EFCAB6: variants seen among roughly 807,000 people sequenced by gnomAD.
The protein encoded by EFCAB6 is EF-hand calcium binding domain 6, also known as EF-hand calcium-binding domain-containing protein 6.
In EFCAB6, 156 loss-of-function variants were observed where a neutral mutation model predicts 169.8. That is an observed-to-expected ratio of 0.92 (90% CI 0.81 to 1.05). The LOEUF (loss-of-function observed/expected upper bound fraction) is 1.05. EFCAB6 is among the 50% of genes least tolerant of loss of function. The probability of loss-of-function intolerance (pLI) is 0.00; values close to 1 mark genes in which losing one functional copy is unlikely to be tolerated. For missense variants in EFCAB6, 1,800 were observed against 1,829.1 expected, an observed-to-expected ratio of 0.98 and a Z score of 0.29; for synonymous variants, 698 against 676.4, an observed-to-expected ratio of 1.03 and a Z score of -0.50.
At chr22:43,615,980 C>T in intron 20 of EFCAB6, 58 bp from the exon 21 acceptor site, 2 of 1,423,688 alleles carry the variant, frequency 1.4e-6, no homozygotes, top group Non-Finnish European at 1.9e-6. Context: ...TCATTAATCT[C>T]CCAAGGGGTT....
intron 17 of EFCAB6, among the ~76,000 whole-genome samples, chr22:43,666,709 T>TTG: frequency 2.7e-5 from 4 of 148,250 alleles, no homozygotes; most frequent in African/African-American, 7.4e-5. Flanking sequence ...TTTTTTTTTT[T>TTG]TTTTTTCATT....
rs762310873 is a variant in EFCAB6 at position 43,600,266 on chromosome 22, T to TAAAAA, written c.2682-4_2682-3insTTTTT. The TAAAAA allele has an allele frequency of 1.5e-5, 24 of 1,612,848 alleles. 1 individual carries two copies. The South Asian group carries it at 1.9e-4, about 13-fold the overall frequency. ...GCCCTTTTCCCTCGGTGTCGTATCT[T>TAAAAA]AAAACAAAAACAAAAACAGAAAGCA... On this transcript the variant is annotated splice_region_variant and splice_polypyrimidine_tract_variant and intron_variant, in intron 22 of 31. Transcript: ENST00000262726.
At chr22:43,631,997 T>G in intron 19 of EFCAB6, 108 bp downstream of exon 19, 1 of 1,471,796 alleles carries the variant, frequency 6.8e-7, no homozygotes, top group Non-Finnish European at 9.1e-7. Context: ...TCTGTGTCCC[T>G]TGGGCTGACT....
intron 6 of EFCAB6, among the ~76,000 whole-genome samples, chr22:43,748,243 G>A (rs753712866): frequency 2.6e-5 from 4 of 152,164 alleles, no homozygotes; most frequent in Admixed American, 6.5e-5. Flanking sequence ...GAAACCTTCA[G>A]TCATCCTCCT....
intron 24 of EFCAB6, among the ~76,000 whole-genome samples, chr22:43,587,948 G>A (rs1293211728): frequency 1.3e-5 from 2 of 152,118 alleles, no homozygotes; most frequent in Non-Finnish European, 2.9e-5. Context: ...ATACATAGTT[G>A]AATTAGAATT....
At chr22:43,663,769 C>G (rs1023147536) in intron 17 of EFCAB6, among the ~76,000 whole-genome samples, 11 of 152,306 alleles carry the variant, frequency 7.2e-5, no homozygotes, top group African/African-American at 2.6e-4. Context: ...AAAAGAGATC[C>G]CAGAGAGCTC....
chr22:43,793,241 G>A (rs1422635807), intron 2 of EFCAB6, among the ~76,000 whole-genome samples: 1 of 152,198 alleles, frequency 6.6e-6, no homozygotes, highest in Non-Finnish European at 1.5e-5. Flanking sequence ...GTACACTGCA[G>A]GGAGTACTCT....
intron 6 of EFCAB6, among the ~76,000 whole-genome samples, chr22:43,742,553 G>A (rs547048811): frequency 1.3e-5 from 2 of 152,332 alleles, no homozygotes; most frequent in East Asian, 3.9e-4. Context: ...CAAAGCAACA[G>A]CTAACTATGC....
chr22:43,613,480 G>A (rs1026095308), intron 21 of EFCAB6, among the ~76,000 whole-genome samples: 3 of 152,078 alleles, frequency 2.0e-5, no homozygotes, highest in African/African-American at 4.8e-5. Flanking sequence ...TGGAGCTGGA[G>A]GCTAACATCC....
intron 10 of EFCAB6, among the ~76,000 whole-genome samples, chr22:43,698,207 C>T (rs543511945): frequency 2.6e-5 from 4 of 152,244 alleles, no homozygotes; most frequent in East Asian, 3.9e-4. Flanking sequence ...AGTATCCAAC[C>T]GGTCAACAGC....
At chr22:43,597,416 G>C (rs2052100328) in intron 23 of EFCAB6, among the ~76,000 whole-genome samples, 1 of 152,060 alleles carries the variant, frequency 6.6e-6, no homozygotes, top group African/African-American at 2.4e-5. Flanking sequence ...GAAATAACCT[G>C]ATTCAAAAAT....
chr22:43,678,583 C>A (rs958783155), intron 12 of EFCAB6, among the ~76,000 whole-genome samples: 2 of 152,088 alleles, frequency 1.3e-5, no homozygotes, highest in Admixed American at 6.6e-5. Context: ...AATTAGTTTG[C>A]CAATTTAGTA....
Position 43,626,691 on chromosome 22 carries a change from A to G in EFCAB6, c.2233-12T>C. On this transcript the variant is annotated splice_polypyrimidine_tract_variant and intron_variant, in intron 19 of 31. Transcript: ENST00000262726. Reference sequence around the variant, plus strand: ...GCAGAGTAGGGGTCCTAAAAACAAAACACACACGTCAAAGCCCTTCCCCAA... The same window carrying G: ...GCAGAGTAGGGGTCCTAAAAACAAAGCACACACGTCAAAGCCCTTCCCCAA... 6.2e-7 allele frequency: 1 copy of G among 1,613,698 alleles called. No individual in the cohort carries two copies. The highest frequency in any genetic ancestry group is 8.5e-7 in the Non-Finnish European group (1 of 1,179,870).
At chr22:43,698,374 T>C (rs775348225) in intron 10 of EFCAB6, among the ~76,000 whole-genome samples, 19 of 152,182 alleles carry the variant, frequency 1.2e-4, no homozygotes, top group Non-Finnish European at 2.5e-4. Context: ...CAGATTCAAA[T>C]CGGGCTTCCT....
chr22:43,675,825 G>GAT (rs1005482400), intron 13 of EFCAB6, among the ~76,000 whole-genome samples: 4 of 149,154 alleles, frequency 2.7e-5, no homozygotes, highest in East Asian at 1.9e-4. Flanking sequence ...AATATGTCTG[G>GAT]ATATATATAT....
Position 43,788,713 on chromosome 22 carries a change from C to A in EFCAB6, c.-7-6388G>T, listed in dbSNP as rs2062165047. On this transcript the variant is annotated intron_variant, in intron 2 of 31. Transcript: ENST00000262726. ...AACATAGAGTTGCCATACGGCCAAGCAATTTCACTCCCAGGTATATACCCA... is the reference window on the plus strand; with the variant it reads ...AACATAGAGTTGCCATACGGCCAAGAAATTTCACTCCCAGGTATATACCCA... Among the ~76,000 whole-genome samples the A allele has an allele frequency of 2.6e-5, 4 of 152,176 alleles. No individual in the cohort carries two copies. The South Asian group carries it at 8.3e-4, about 32-fold the overall frequency.
In EFCAB6 at chr22:43,558,191, T is replaced by C. The variant is rs769222375; in HGVS notation, c.3421-3095A>G. Among the ~76,000 whole-genome samples the C allele has an allele frequency of 5.4e-4, 82 of 152,372 alleles. 1 individual carries two copies. Among genetic ancestry groups the C allele is most frequent in the Admixed American group, 2.1e-3 (32 of 15,304 alleles). On this transcript the variant is annotated intron_variant, in intron 26 of 31. Transcript: ENST00000262726. ...TAAATGTTGAAAACTGGTATCATTA[T>C]TTGTGGATATGACTGTATAGGTAGA...
chr22:43,720,119 C>T (rs980966376), intron 8 of EFCAB6, among the ~76,000 whole-genome samples: 1 of 151,672 alleles, frequency 6.6e-6, no homozygotes, highest in Non-Finnish European at 1.5e-5. Context: ...CCACATTGTA[C>T]ATCTTAAATA....
At chr22:43,531,103 G>C (rs375580423) in intron 30 of EFCAB6, 139 bp from the exon 31 acceptor site, 1 of 1,160,064 alleles carries the variant, frequency 8.6e-7, no homozygotes, top group Admixed American at 2.3e-5. Context: ...TCTGAATCGA[G>C]GAGGGAGCCT....
Sources: gnomAD v4.1 joint callset for allele counts (sites outside exome capture counted in the v4.1 genomes callset) on GRCh38, gnomAD v4.1.1 for gene constraint, MANE v1.5 for transcripts, NCBI Gene and HGNC (gene_info 2026-07-23, HGNC 2026-07-21) for gene names.